Variants in TDRD9 observed in about 807,000 individuals in gnomAD.
The protein encoded by TDRD9 is ATP-dependent RNA helicase TDRD9.
Under a neutral mutation model 172.6 loss-of-function variants are expected in TDRD9, and 124 were observed. That is an observed-to-expected ratio of 0.72 (90% CI 0.62 to 0.83). The LOEUF is 0.83. Ranked by LOEUF, TDRD9 falls within the 40% of genes least tolerant of loss-of-function variation. The pLI, the probability that TDRD9 is intolerant of heterozygous loss-of-function variation, is 0.00. For missense variants in TDRD9, 1,479 were observed against 1,714.1 expected (o/e 0.86, Z 2.42); for synonymous variants, 619 against 617.1 (o/e 1.00, Z -0.05).
chr14:104,012,880 C>T (rs1244919942), intron 20 of TDRD9, among the ~76,000 whole-genome samples: 1 of 152,306 alleles, frequency 6.6e-6, no homozygotes, highest in Non-Finnish European at 1.5e-5. Flanking sequence ...AGGTGTGAAC[C>T]ACCGTGCCCA....
intron 31 of TDRD9, 94 bp from the exon 32 acceptor site, chr14:104,034,866 G>A (rs1363321730): frequency 1.8e-5 from 16 of 877,258 alleles, no homozygotes; most frequent in Non-Finnish European, 2.7e-5. Context: ...CAGAGGAGGG[G>A]ATACCTGCAG....
intron 1 of TDRD9, among the ~76,000 whole-genome samples, chr14:103,952,687 T>G (rs896032066): frequency 6.6e-6 from 1 of 150,792 alleles, no homozygotes; most frequent in African/African-American, 2.4e-5. Context: ...CACATTTCTA[T>G]GCGTTTCATT....
chr14:104,002,952 A>G (rs371097981), intron 13 of TDRD9, among the ~76,000 whole-genome samples: 2 of 152,054 alleles, frequency 1.3e-5, no homozygotes, highest in South Asian at 4.1e-4. Flanking sequence ...GATGGTCTCC[A>G]TCTCTTTACC....
intron 13 of TDRD9, among the ~76,000 whole-genome samples, chr14:104,001,910 G>A (rs1356788289): frequency 6.6e-6 from 1 of 151,894 alleles, no homozygotes; most frequent in African/African-American, 2.4e-5. Context: ...CCCGGCCTAT[G>A]TTTAGTTTTA....
At chr14:103,982,482 C>T (rs930583888) in intron 7 of TDRD9, among the ~76,000 whole-genome samples, 13 of 152,148 alleles carry the variant, frequency 8.5e-5, no homozygotes, top group East Asian at 3.9e-4. Flanking sequence ...TTGGCCACTT[C>T]GATTCTTGAA....
In TDRD9 at chr14:103,942,853, T is replaced by C. The variant is rs546949410; in HGVS notation, c.216-12811T>C. Among the ~76,000 whole-genome samples the C allele has an allele frequency of 3.9e-4, 59 of 152,358 alleles. No homozygotes were observed. In the South Asian group the frequency reaches 0.012, roughly 31 times the overall value. On this transcript the variant is annotated intron_variant, in intron 1 of 35. Transcript: ENST00000409874. Reference sequence around the variant, plus strand: ...TTGGTTTTTTCAAAATAGTTAAATTTGTATATTTAAGCAAGTTGAAATGCT... The same window carrying C: ...TTGGTTTTTTCAAAATAGTTAAATTCGTATATTTAAGCAAGTTGAAATGCT...
chr14:104,048,973 C>G (rs1197239170), intron 34 of TDRD9, among the ~76,000 whole-genome samples: 20 of 152,140 alleles, frequency 1.3e-4, no homozygotes, highest in Admixed American at 1.3e-3. Context: ...CCTACCCCAG[C>G]AAGAACTCCA....
intron 32 of TDRD9, among the ~76,000 whole-genome samples, chr14:104,038,205 TG>T (rs1166060490): frequency 6.6e-6 from 1 of 151,824 alleles, no homozygotes; most frequent in Admixed American, 6.6e-5. Flanking sequence ...CATGAGAGGG[TG>T]GGGGGATCTT....
In TDRD9 at chr14:103,965,932, G is replaced by C. The variant is rs150595121; in HGVS notation, c.642+378G>C. On this transcript the variant is annotated intron_variant, in intron 4 of 35. Coordinates refer to ENST00000409874, the MANE Select transcript of TDRD9 (RefSeq NM_153046.3). ...TGCACTCCAGCATGGGCAACAGAGT[G>C]AGACTCTGTCTCAAAACAAAAAACA... 5.0e-3 allele frequency among the ~76,000 whole-genome samples: 766 copies of C among 152,096 alleles called. 8 individuals carry two copies. Among genetic ancestry groups the C allele is most frequent in the African/African-American group, 0.018 (738 of 41,494 alleles).
chr14:103,958,092 C>CTT (rs1170564136), intron 2 of TDRD9, among the ~76,000 whole-genome samples: 2 of 152,112 alleles, frequency 1.3e-5, no homozygotes, highest in Non-Finnish European at 2.9e-5. Context: ...GTAAAAAAGA[C>CTT]TTTAACTCTG....
At chr14:104,016,779 C>T (rs1020132418) in intron 22 of TDRD9, among the ~76,000 whole-genome samples, 25 of 152,114 alleles carry the variant, frequency 1.6e-4, no homozygotes, top group African/African-American at 2.4e-4. Context: ...TCTGATAAGG[C>T]GGGGTGAGAA....
chr14:103,996,949 A>G (rs2034080456), intron 12 of TDRD9, among the ~76,000 whole-genome samples: 1 of 151,986 alleles, frequency 6.6e-6, no homozygotes, highest in Admixed American at 6.6e-5. Context: ...AGGAGAAGGC[A>G]AGAGTGTGCT....
At chr14:104,046,293 C>G (rs2035774556) in intron 34 of TDRD9, among the ~76,000 whole-genome samples, 1 of 152,098 alleles carries the variant, frequency 6.6e-6, no homozygotes, top group Non-Finnish European at 1.5e-5. Flanking sequence ...GTTTTCGGTG[C>G]TATATCTTAA....
intron 13 of TDRD9, 95 bp from the exon 14 acceptor site, chr14:104,004,143 C>T (rs2034355160): frequency 1.8e-6 from 1 of 564,182 alleles, no homozygotes; most frequent in Non-Finnish European, 3.3e-6. Context: ...TAAGGCTTTG[C>T]TTAATTAATA....
chr14:103,965,340 C>G lies in TDRD9; in HGVS notation c.428C>G (p.Ser143Cys), dbSNP rs1209898681. 6.4e-6 allele frequency: 10 copies of G among 1,551,626 alleles called. No homozygotes were observed. The highest frequency in any genetic ancestry group is 8.7e-6 in the Non-Finnish European group (10 of 1,146,974). The change falls in exon 4 of 36, where the codon TCT becomes TGT. Residue 143 changes from serine to cysteine, a missense_variant. Coordinates refer to ENST00000409874, the MANE Select transcript of TDRD9 (RefSeq NM_153046.3). The part of the protein sequence containing the change: ...PISRYKEEVV[S>C]LIESNSVVII... ...AATTTTTTAAATTTCTAGGTTGTGT[C>G]TTTGATAGAAAGTAATTCCGTGGTG...
chr14:103,976,796 G>A (rs1282797047), intron 7 of TDRD9, among the ~76,000 whole-genome samples: 4 of 152,158 alleles, frequency 2.6e-5, no homozygotes, highest in Non-Finnish European at 4.4e-5. Context: ...CCTACCAACA[G>A]TATACAAGAG....
Position 104,016,908 on chromosome 14 carries a change from C to T in TDRD9, c.2331+820C>T, listed in dbSNP as rs1037453735. Among the ~76,000 whole-genome samples the T allele has an allele frequency of 7.2e-5, 11 of 152,140 alleles. No homozygotes were observed. In the South Asian group the frequency reaches 8.3e-4, roughly 11 times the overall value. On this transcript the variant is annotated intron_variant, in intron 22 of 35. Transcript: ENST00000409874. ...AAATAAATAGCTCATAAGGAAAGGG[C>T]GCAGATGACTTGAGATTACAACTGG...
chr14:103,957,781 A>G (rs1038976912), intron 2 of TDRD9, among the ~76,000 whole-genome samples: 3 of 152,170 alleles, frequency 2.0e-5, no homozygotes, highest in African/African-American at 7.2e-5. Context: ...GGGCACAGGC[A>G]GCAGCCCGGC....
intron 7 of TDRD9, among the ~76,000 whole-genome samples, chr14:103,978,136 A>T (rs1362091920): frequency 1.3e-5 from 2 of 151,068 alleles, no homozygotes; most frequent in Non-Finnish European, 2.9e-5. Context: ...TTTGCCCAGG[A>T]TTGCTTTGGC....
Sources: allele counts gnomAD v4.1 joint callset (sites outside exome capture counted in the v4.1 genomes callset), GRCh38; gene constraint gnomAD v4.1.1; transcripts MANE v1.5; gene names NCBI Gene and HGNC (gene_info 2026-07-23, HGNC 2026-07-21).